EXOC4: variants seen among roughly 807,000 people sequenced by gnomAD.
EXOC4 encodes the protein SEC8-like 1.
A neutral mutation model predicts 107.2 loss-of-function variants in EXOC4; 71 were observed. The observed-to-expected ratio is 0.66, with a 90% CI of 0.55 to 0.81. The LOEUF (loss-of-function observed/expected upper bound fraction) is 0.81. EXOC4 is among the 30% of genes least tolerant of loss of function. EXOC4 has a pLI of 0.00. For synonymous variants in EXOC4, 456 were observed against 441.2 expected (o/e 1.03, Z -0.42); for missense variants, 1,108 against 1,189.6 (o/e 0.93, Z 1.01).
At chr7:133,352,539 C>T (rs574107635) in intron 5 of EXOC4, among the ~76,000 whole-genome samples, 21 of 151,918 alleles carry the variant, frequency 1.4e-4, no homozygotes, top group South Asian at 6.2e-4. Context: ...GCCTTTGAAT[C>T]GATTTGTGCC....
chr7:133,551,827 A>G (rs1800594444), intron 9 of EXOC4: 2 of 152,246 alleles, frequency 1.3e-5, no homozygotes, highest in Middle Eastern at 6.8e-3. Context: ...AGTTACTGTT[A>G]TTACAGTGAT....
intron 1 of EXOC4, among the ~76,000 whole-genome samples, chr7:133,269,227 T>C (rs1490698898): frequency 2.0e-5 from 3 of 152,190 alleles, no homozygotes; most frequent in Admixed American, 2.0e-4. Context: ...TCTTTACATA[T>C]GAACTGTGGC....
intron 10 of EXOC4, among the ~76,000 whole-genome samples, chr7:133,759,161 T>A (rs1795982329): frequency 6.6e-6 from 1 of 151,894 alleles, no homozygotes; most frequent in Non-Finnish European, 1.5e-5. Flanking sequence ...TTTTTTTTTT[T>A]TGTTAGAGAT....
intron 5 of EXOC4, among the ~76,000 whole-genome samples, chr7:133,354,264 A>G (rs769634623): frequency 6.6e-6 from 1 of 152,066 alleles, no homozygotes; most frequent in African/African-American, 2.4e-5. Flanking sequence ...TGGTGACTCC[A>G]GAAATCACAT....
chr7:133,364,863 A>G (rs1383598864), intron 6 of EXOC4, among the ~76,000 whole-genome samples: 1 of 152,198 alleles, frequency 6.6e-6, no homozygotes, highest in African/African-American at 2.4e-5. Flanking sequence ...ATAATTTGAC[A>G]GTTCACAAAG....
rs973208101 is a variant in EXOC4 at position 133,363,367 on chromosome 7, T to C, written c.1007+6794T>C. On this transcript the variant is annotated intron_variant, in intron 6 of 17. Coordinates refer to ENST00000253861, the MANE Select transcript of EXOC4 (RefSeq NM_021807.4). ...ACTCATTACCATGAAAGGTCCCAAG[T>C]CTATATACTTTCTAGTAAGACTTAA... 2.6e-5 allele frequency among the ~76,000 whole-genome samples: 4 copies of C among 152,164 alleles called. No individual in the cohort carries two copies. In the South Asian group the frequency reaches 8.3e-4, roughly 32 times the overall value.
At chr7:133,571,578 G>A (rs892890046) in intron 9 of EXOC4, among the ~76,000 whole-genome samples, 3 of 151,960 alleles carry the variant, frequency 2.0e-5, no homozygotes, top group Admixed American at 1.3e-4. Flanking sequence ...GCTGAGGCCA[G>A]GCATGAGAAC....
At chr7:133,700,424 A>AT (rs1444016761) in intron 10 of EXOC4, among the ~76,000 whole-genome samples, 1 of 152,216 alleles carries the variant, frequency 6.6e-6, no homozygotes, top group African/African-American at 2.4e-5. Flanking sequence ...AACAAAAGAA[A>AT]TTGAAAATAT....
chr7:133,309,612 A>G (rs948904360), intron 4 of EXOC4, among the ~76,000 whole-genome samples: 7 of 152,180 alleles, frequency 4.6e-5, no homozygotes, highest in African/African-American at 1.7e-4. Flanking sequence ...ATATGTTTTT[A>G]CAAGATTGAG....
At chr7:134,049,685 G>A in intron 17 of EXOC4, among the ~76,000 whole-genome samples, 1 of 152,124 alleles carries the variant, frequency 6.6e-6, no homozygotes, top group Non-Finnish European at 1.5e-5. Context: ...TACATACAGT[G>A]CCTGGCTACT....
Position 133,329,994 on chromosome 7 carries a change from C to T in EXOC4, c.763+12604C>T, listed in dbSNP as rs549421172. On this transcript the variant is annotated intron_variant, in intron 5 of 17. Transcript: ENST00000253861. ...TCTCTTCAGAGCCGTCAGGCAGGGA[C>T]GTTTAAGTCTGCTGAAGCTGTGCCC... Among the ~76,000 whole-genome samples, 9 of 152,220 alleles carry T rather than the reference C, an allele frequency of 5.9e-5. No individual in the cohort carries two copies. In the South Asian group the frequency reaches 1.0e-3, roughly 18 times the overall value.
At chr7:133,593,604 T>C (rs904274016) in intron 9 of EXOC4, among the ~76,000 whole-genome samples, 1 of 152,182 alleles carries the variant, frequency 6.6e-6, no homozygotes, top group Admixed American at 6.5e-5. Flanking sequence ...GGATGAAAGC[T>C]CTTGAATTAT....
At chr7:133,518,659 C>T (rs1372260903) in intron 9 of EXOC4, among the ~76,000 whole-genome samples, 3 of 152,074 alleles carry the variant, frequency 2.0e-5, no homozygotes, top group Non-Finnish European at 4.4e-5. Context: ...TGTTACTCAG[C>T]CTTTAAAAGG....
intron 5 of EXOC4, among the ~76,000 whole-genome samples, chr7:133,348,387 A>T (rs993987418): frequency 2.6e-5 from 4 of 152,106 alleles, no homozygotes; most frequent in Non-Finnish European, 4.4e-5. Context: ...TTGTTCTTTA[A>T]TGGGCTATCT....
chr7:134,031,950 C>T (rs1451251966), intron 17 of EXOC4, among the ~76,000 whole-genome samples: 1 of 152,150 alleles, frequency 6.6e-6, no homozygotes, highest in Non-Finnish European at 1.5e-5. Flanking sequence ...TCCCTATTAA[C>T]CCCAAGCATC....
chr7:133,817,377 C>T lies in EXOC4; in HGVS notation c.1567C>T (p.Pro523Ser), dbSNP rs771444968. 4.3e-6 allele frequency: 7 copies of T among 1,614,060 alleles called. No individual in the cohort carries two copies. Among genetic ancestry groups the T allele is most frequent in the Non-Finnish European group, 5.1e-6 (6 of 1,179,998 alleles). Residue 523 changes from proline (P) to serine (S), a missense_variant, in exon 11 of 18, where the codon CCT becomes TCT. By Grantham distance (74) the Pro-to-Ser change is moderately conservative. Coordinates refer to ENST00000253861, the MANE Select transcript of EXOC4 (RefSeq NM_021807.4). ...ALGLGPAKQC[P>S]LREFLTVYIK... Reference sequence around the variant, plus strand: ...GGGTCTTGGCCCAGCCAAACAGTGTCCTCTTCGAGAGTTTCTCACCGTGTA... The same window carrying T: ...GGGTCTTGGCCCAGCCAAACAGTGTTCTCTTCGAGAGTTTCTCACCGTGTA...
intron 14 of EXOC4, among the ~76,000 whole-genome samples, chr7:133,979,429 A>G (rs2116909154): frequency 6.6e-6 from 1 of 152,322 alleles, no homozygotes; most frequent in South Asian, 2.1e-4. Flanking sequence ...TAAGGCAGAC[A>G]TGATCTCTCA....
intron 9 of EXOC4, among the ~76,000 whole-genome samples, chr7:133,544,979 T>C (rs2150935434): frequency 6.6e-6 from 1 of 152,178 alleles, no homozygotes; most frequent in African/African-American, 2.4e-5. Flanking sequence ...CATTTCACTT[T>C]GGGCCTTTAA....
intron 10 of EXOC4, among the ~76,000 whole-genome samples, chr7:133,697,115 T>C (rs1794551986): frequency 6.6e-6 from 1 of 151,840 alleles, no homozygotes; most frequent in Non-Finnish European, 1.5e-5. Context: ...ACCTGGGAAG[T>C]GTTTGTTTGT....
Sources: gnomAD v4.1 joint callset for allele counts (sites outside exome capture counted in the v4.1 genomes callset) on GRCh38, gnomAD v4.1.1 for gene constraint, MANE v1.5 for transcripts, NCBI Gene and HGNC (gene_info 2026-07-23, HGNC 2026-07-21) for gene names.